Variants in WDFY4 observed in about 807,000 individuals in gnomAD.
WDFY4 encodes WD repeat- and FYVE domain-containing protein 4.
Under a neutral mutation model 351.9 loss-of-function variants are expected in WDFY4, and 169 were observed. That is an observed-to-expected ratio of 0.48 (90% confidence interval 0.42 to 0.55). The LOEUF is 0.55. Among genes scored for constraint, WDFY4 ranks in the 20% least tolerant of loss-of-function variants. The pLI is 0.00. For synonymous variants in WDFY4, 1,622 were observed against 1,574.6 expected, an observed-to-expected ratio of 1.03 and a Z score of -0.71; for missense variants, 3,803 against 3,935.6, an observed-to-expected ratio of 0.97 and a Z score of 0.90.
chr10:48,917,911 C>CA (rs1838698229), intron 47 of WDFY4, among the ~76,000 whole-genome samples: 1 of 152,148 alleles, frequency 6.6e-6, no homozygotes, highest in Admixed American at 6.5e-5. Context: ...ATGGAGTTGT[C>CA]AAAGTATGTA....
At chr10:48,762,797 C>T (rs2065549602) in intron 13 of WDFY4, among the ~76,000 whole-genome samples, 1 of 152,226 alleles carries the variant, frequency 6.6e-6, no homozygotes, top group African/African-American at 2.4e-5. Flanking sequence ...GCTCCGGGCC[C>T]CCACAGGCAC....
chr10:48,852,824 C>A (rs139124294), intron 39 of WDFY4, among the ~76,000 whole-genome samples: 1 of 152,302 alleles, frequency 6.6e-6, no homozygotes, highest in African/African-American at 2.4e-5. Context: ...AGAACCTGAA[C>A]CCTCAGTTCC....
intron 39 of WDFY4, among the ~76,000 whole-genome samples, chr10:48,841,002 G>A (rs148778614): frequency 6.6e-6 from 1 of 152,330 alleles, no homozygotes; most frequent in East Asian, 1.9e-4. Flanking sequence ...GCACCGTGAA[G>A]TTGACATTAT....
Position 48,709,949 on chromosome 10 carries a change from C to G in WDFY4, c.217C>G (p.Leu73Val), listed in dbSNP as rs777296779. 4 of 1,551,776 alleles carry G rather than the reference C, an allele frequency of 2.6e-6. No homozygotes were observed. The highest frequency in any genetic ancestry group is 1.2e-5 in the South Asian group (1 of 84,044). ...IERQKSLLSL[L>V]PLFLKAWEHS... is the part of the protein sequence containing the mutation. ...GCGTCAGAAGAGCCTGTTGAGTCTTCTCCCCCTATTCCTAAAGGTTAGTGT... is the reference window on the plus strand; with the variant it reads ...GCGTCAGAAGAGCCTGTTGAGTCTTGTCCCCCTATTCCTAAAGGTTAGTGT... The change falls in exon 2 of 62, where the codon CTC (leucine) becomes GTC (valine). Residue 73 changes from leucine to valine, a missense_variant. By Grantham distance (32) the Leu-to-Val change is conservative. Coordinates refer to ENST00000325239, the MANE Select transcript of WDFY4 (RefSeq NM_001394531.1).
chr10:48,688,285 C>A (rs967229339), intron 1 of WDFY4, among the ~76,000 whole-genome samples: 2 of 152,070 alleles, frequency 1.3e-5, no homozygotes, highest in African/African-American at 4.8e-5. Flanking sequence ...TCCATCCTGT[C>A]TTGAGAATTC....
At chr10:48,779,636 T>C (rs1197619198) in intron 18 of WDFY4, among the ~76,000 whole-genome samples, 1 of 152,182 alleles carries the variant, frequency 6.6e-6, no homozygotes, top group Non-Finnish European at 1.5e-5. Context: ...TGTATGACCT[T>C]GGGCAAGTCA....
intron 35 of WDFY4, chr10:48,823,178 T>A: frequency 7.7e-7 from 1 of 1,303,474 alleles, no homozygotes; most frequent in Non-Finnish European, 1.0e-6. Flanking sequence ...TTTTTTTTTT[T>A]TAGATCTCAG....
intron 51 of WDFY4, 113 bp downstream of exon 51, chr10:48,947,082 A>C: frequency 1.1e-6 from 1 of 909,590 alleles, no homozygotes; most frequent in Non-Finnish European, 1.6e-6. Flanking sequence ...TCTGCTAAAA[A>C]CTCAGTCATT....
chr10:48,932,670 G>C (rs563620980), intron 47 of WDFY4: 1 of 150,326 alleles, frequency 6.7e-6, no homozygotes, highest in East Asian at 2.0e-4. Context: ...GGGAGAGAGA[G>C]AGAAAAAAAA....
chr10:48,976,958 G>A lies in WDFY4; in HGVS notation c.9270G>A (p.Gly3090=), dbSNP rs1179449997. The A allele has an allele frequency of 6.7e-7, 1 of 1,485,082 alleles. No homozygotes were observed. Among genetic ancestry groups the A allele is most frequent in the African/African-American group, 1.4e-5 (1 of 70,668 alleles). The allele number at this position is 1,485,082 out of a possible 1,614,324, so 92.0% of individuals were successfully genotyped here. ...ACACAAGCCAGATCATCATCACCGG[G>A]AGTCAAGACGGCATGGTCCGGGTAG... ...AWDTSQIIIT[G]SQDGMVRVWK... Residue 3090 remains glycine (G), a synonymous_variant, in exon 59 of 62, where the codon GGG becomes GGA. Transcript: ENST00000325239.
At chr10:48,748,168 A>C (rs2065069723) in intron 12 of WDFY4, among the ~76,000 whole-genome samples, 1 of 152,250 alleles carries the variant, frequency 6.6e-6, no homozygotes, top group Non-Finnish European at 1.5e-5. Flanking sequence ...TTATTCTGCC[A>C]GCTCTCAGGG....
intron 9 of WDFY4, among the ~76,000 whole-genome samples, chr10:48,732,481 T>C (rs890578609): frequency 1.3e-5 from 2 of 152,190 alleles, no homozygotes; most frequent in African/African-American, 2.4e-5. Context: ...TCTCTAGCCT[T>C]TGGCTGCTTC....
At chr10:48,829,623 G>A (rs1043688457) in intron 37 of WDFY4, among the ~76,000 whole-genome samples, 4 of 152,172 alleles carry the variant, frequency 2.6e-5, no homozygotes, top group African/African-American at 9.6e-5. Flanking sequence ...GCCAAGGCGG[G>A]TGGATCACCT....
At chr10:48,764,397 T>C (rs2065604907) in intron 13 of WDFY4, among the ~76,000 whole-genome samples, 1 of 152,308 alleles carries the variant, frequency 6.6e-6, no homozygotes, top group African/African-American at 2.4e-5. Context: ...CTATGCACAG[T>C]GCAAAAATGG....
At chr10:48,980,774 G>A (rs530969510) in intron 60 of WDFY4, among the ~76,000 whole-genome samples, 40 of 152,246 alleles carry the variant, frequency 2.6e-4, no homozygotes, top group East Asian at 1.9e-4. Context: ...AAGTGGCCTC[G>A]CAGGGACGTA....
chr10:48,901,954 A>G (rs1341370134), intron 47 of WDFY4, 91 bp downstream of exon 47: 3 of 1,190,404 alleles, frequency 2.5e-6, no homozygotes, highest in Non-Finnish European at 3.7e-6. Flanking sequence ...GAAGTCTTGC[A>G]GAGAGCATGC....
chr10:48,811,520 C>A lies in WDFY4; in HGVS notation c.5045-19C>A. On this transcript the variant is annotated intron_variant, in intron 29 of 61. Transcript: ENST00000325239. ...GCTGTTCTCAGCTGACTTTTGTGCC[C>A]CCTTTGCCTGATCAATAGACAACCT... 1 of 1,551,514 alleles carries A rather than the reference C, an allele frequency of 6.4e-7. No homozygotes were observed. The highest frequency in any genetic ancestry group is 8.7e-7 in the Non-Finnish European group (1 of 1,146,722).
At chr10:48,856,140 A>G (rs1170287627) in intron 39 of WDFY4, among the ~76,000 whole-genome samples, 1 of 152,130 alleles carries the variant, frequency 6.6e-6, no homozygotes, top group African/African-American at 2.4e-5. Flanking sequence ...AAAATTGCTG[A>G]GTTCTTATAT....
At chr10:48,805,075 G>A (rs567841448) in intron 25 of WDFY4, among the ~76,000 whole-genome samples, 185 bp from the exon 26 acceptor site, 37 of 152,244 alleles carry the variant, frequency 2.4e-4, no homozygotes, top group Admixed American at 1.6e-3. Flanking sequence ...ACACCCGAGC[G>A]ACTCTGGCAC....
Sources: allele counts gnomAD v4.1 joint callset (sites outside exome capture counted in the v4.1 genomes callset), GRCh38; gene constraint gnomAD v4.1.1; transcripts MANE v1.5; gene names NCBI Gene and HGNC (gene_info 2026-07-23, HGNC 2026-07-21).